Variants in PCLO observed in about 807,000 individuals in gnomAD.
PCLO encodes the protein piccolo presynaptic cytomatrix protein.
Under a neutral mutation model 427.5 loss-of-function variants are expected in PCLO, and 82 were observed. The observed-to-expected ratio is 0.19, with a 90% CI of 0.16 to 0.23. The LOEUF (loss-of-function observed/expected upper bound fraction) is 0.23. PCLO is among the 10% of genes least tolerant of loss of function. The pLI is 1.00. For synonymous variants in PCLO, 2,357 were observed against 2,155.4 expected, an observed-to-expected ratio of 1.09 and a Z score of -2.59; for missense variants, 6,239 against 6,115.9, an observed-to-expected ratio of 1.02 and a Z score of -0.67.
chr7:82,921,885 A>G (rs1475322763), intron 6 of PCLO, among the ~76,000 whole-genome samples: 2 of 151,822 alleles, frequency 1.3e-5, no homozygotes, highest in Non-Finnish European at 2.9e-5. Flanking sequence ...ACTTAACAAA[A>G]AAAAACACAC....
At chr7:82,785,269 T>C (rs1385426758) in intron 22 of PCLO, among the ~76,000 whole-genome samples, 1 of 152,052 alleles carries the variant, frequency 6.6e-6, no homozygotes, top group East Asian at 1.9e-4. Context: ...CCTAGATCCA[T>C]CACATGCGCA....
intron 22 of PCLO, among the ~76,000 whole-genome samples, chr7:82,783,153 C>G (rs1019762967): frequency 1.3e-5 from 2 of 152,204 alleles, no homozygotes; most frequent in African/African-American, 4.8e-5. Context: ...GAGAACTAAA[C>G]AGGCTTGAGG....
At chr7:82,963,519 T>C (rs1584227956) in intron 4 of PCLO, among the ~76,000 whole-genome samples, 2 of 152,118 alleles carry the variant, frequency 1.3e-5, no homozygotes, top group East Asian at 3.8e-4. Context: ...ATTTCTAGCA[T>C]GTACTTTTTA....
intron 2 of PCLO, among the ~76,000 whole-genome samples, chr7:83,146,452 G>C (rs1562990437): frequency 6.6e-6 from 1 of 152,054 alleles, no homozygotes. Context: ...TCTAAACTAA[G>C]ATTAAGATAC....
At chr7:83,129,791 GT>G (rs1791524521) in intron 3 of PCLO, among the ~76,000 whole-genome samples, 1 of 152,060 alleles carries the variant, frequency 6.6e-6, no homozygotes, top group South Asian at 2.1e-4. Flanking sequence ...AATGTTATAT[GT>G]TTACTCAGAT....
At chr7:82,838,152 A>T in intron 15 of PCLO, 66 bp downstream of exon 15, 1 of 1,113,230 alleles carries the variant, frequency 9.0e-7, no homozygotes, top group Non-Finnish European at 1.3e-6. Flanking sequence ...TGTGGAAATT[A>T]AAGAGTAGAA....
intron 3 of PCLO, among the ~76,000 whole-genome samples, chr7:83,130,827 A>G (rs1791552236): frequency 6.6e-6 from 1 of 152,194 alleles, no homozygotes; most frequent in Non-Finnish European, 1.5e-5. Flanking sequence ...CATAGTGACA[A>G]ATATCTCCTA....
chr7:82,820,483 A>T (rs895289743), intron 20 of PCLO: 4 of 1,191,548 alleles, frequency 3.4e-6, no homozygotes, highest in Non-Finnish European at 3.1e-6. Flanking sequence ...GTAGTTTATG[A>T]ATGAAATAAA....
intron 22 of PCLO, among the ~76,000 whole-genome samples, chr7:82,796,175 A>G (rs558922588): frequency 3.3e-4 from 50 of 152,320 alleles, no homozygotes; most frequent in Non-Finnish European, 6.0e-4. Flanking sequence ...AATCTGGCTT[A>G]GATTTAAGAC....
At chr7:83,006,449 G>T (rs1787948232) in intron 3 of PCLO, among the ~76,000 whole-genome samples, 1 of 151,526 alleles carries the variant, frequency 6.6e-6, no homozygotes, top group Non-Finnish European at 1.5e-5. Flanking sequence ...AGACATGGTA[G>T]ATGGCAAAGT....
At chr7:82,925,562 GC>G (rs1422605081) in intron 6 of PCLO, among the ~76,000 whole-genome samples, 72 of 152,126 alleles carry the variant, frequency 4.7e-4, no homozygotes, top group African/African-American at 1.7e-3. Flanking sequence ...GAAATATTCA[GC>G]AGTCTATCTT....
intron 15 of PCLO, 35 bp downstream of exon 15, chr7:82,838,183 A>C: frequency 1.3e-6 from 2 of 1,499,560 alleles, no homozygotes; most frequent in Non-Finnish European, 1.8e-6. Context: ...TATTGTTTTA[A>C]AGCATGAGAT....
chr7:82,883,394 T>C (rs937978206), intron 9 of PCLO, among the ~76,000 whole-genome samples: 15 of 152,184 alleles, frequency 9.9e-5, no homozygotes, highest in African/African-American at 3.6e-4. Flanking sequence ...TAAAAGTGTT[T>C]AAGAAAGTAA....
intron 3 of PCLO, among the ~76,000 whole-genome samples, chr7:83,082,088 C>T (rs1790115189): frequency 6.6e-6 from 1 of 151,232 alleles, no homozygotes; most frequent in South Asian, 2.1e-4. Context: ...AAATTTTCCT[C>T]CATTTATCTT....
Position 82,754,482 on chromosome 7 carries a change from C to T in PCLO, c.*4093G>A, listed in dbSNP as rs527604627. On this transcript the variant is annotated 3_prime_UTR_variant, in exon 25 of 25. Coordinates refer to ENST00000333891, the MANE Select transcript of PCLO (RefSeq NM_033026.6). Reference sequence around the variant, plus strand: ...GTAGTGGGAGCACCTGAGCACGTCACCAAACAAATATACAGACACAATCAA... The same window carrying T: ...GTAGTGGGAGCACCTGAGCACGTCATCAAACAAATATACAGACACAATCAA... The T allele has an allele frequency of 6.6e-6, 1 of 152,148 alleles. No individual in the cohort carries two copies. The highest frequency in any genetic ancestry group is 6.5e-5 in the Admixed American group (1 of 15,282). 9.4% of individuals were successfully genotyped at this position (152,148 alleles called of 1,614,324 possible).
At chr7:82,896,666 AAAT>A (rs770035525) in intron 9 of PCLO, among the ~76,000 whole-genome samples, 6 of 141,860 alleles carry the variant, frequency 4.2e-5, no homozygotes, top group African/African-American at 7.8e-5. Context: ...AAAATTGTTA[AAAT>A]AATAATAATA....
chr7:82,875,373 T>C (rs1467892120), intron 10 of PCLO, among the ~76,000 whole-genome samples: 1 of 152,136 alleles, frequency 6.6e-6, no homozygotes, highest in Non-Finnish European at 1.5e-5. Context: ...TTCCTAATTC[T>C]CTAAAACATA....
rs1215169978 is a variant in PCLO, at chr7:82,879,396, G to C, written c.13595C>G (p.Ala4532Gly). 1.9e-6 allele frequency: 3 copies of C among 1,610,520 alleles called. No homozygotes were observed. The Admixed American group carries it at 5.0e-5, about 27-fold the overall frequency. Residue 4532 changes from alanine to glycine, a missense_variant, in exon 10 of 25, where the codon GCC becomes GGC. Transcript: ENST00000333891. Reference protein sequence around the residue: ...EIPGHSGEIGAYIAKILPGGS... With the variant: ...EIPGHSGEIGGYIAKILPGGS... ...CCCAGGAAGAATCTTGGCAATATAG[G>C]CTCCAATTTCTCCACTATGTCCCGG... is the stretch of plus-strand genomic sequence containing the variant.
At chr7:83,037,033 G>T (rs1303907742) in intron 3 of PCLO, among the ~76,000 whole-genome samples, 1 of 152,062 alleles carries the variant, frequency 6.6e-6, no homozygotes, top group Non-Finnish European at 1.5e-5. Flanking sequence ...CACCAGTGTT[G>T]AACAAAGGTA....
Sources: allele counts gnomAD v4.1 joint callset (sites outside exome capture counted in the v4.1 genomes callset), GRCh38; gene constraint gnomAD v4.1.1; transcripts MANE v1.5; gene names NCBI Gene and HGNC (gene_info 2026-07-23, HGNC 2026-07-21).